The following SAFB2 variants were observed in gnomAD, a reference collection of about 807,000 sequenced individuals.
The protein encoded by SAFB2 is scaffold attachment factor B2.
A neutral mutation model predicts 100.6 loss-of-function variants in SAFB2; 32 were observed. The observed-to-expected ratio is 0.32, with a 90% CI of 0.24 to 0.43. SAFB2 has a LOEUF of 0.43. SAFB2 is among the 20% of genes least tolerant of loss of function. The probability of loss-of-function intolerance (pLI) is 1.00; values close to 1 mark genes in which losing one functional copy is unlikely to be tolerated. For synonymous variants in SAFB2, 500 were observed against 439.4 expected, an observed-to-expected ratio of 1.14 and a Z score of -1.72; for missense variants, 1,185 against 1,163.4, an observed-to-expected ratio of 1.02 and a Z score of -0.27.
intron 11 of SAFB2, among the ~76,000 whole-genome samples, chr19:5,600,489 G>GA (rs2052632663): frequency 1.3e-5 from 2 of 152,224 alleles, no homozygotes; most frequent in Admixed American, 1.3e-4. Context: ...TATGCACAAT[G>GA]AAATTCCTGG....
At position 5,611,284 on chromosome 19, in the gene SAFB2, C is replaced by T. The variant is rs577406447; in HGVS notation, c.981G>A (p.Ala327=). ...CTGCGAGCTCCTCGCTAGAGGCCTC[C>T]GCGAGCTCGGAGGCCGCACTACTCT... ...VEQSSAASEL[A]EASSEELAEA... The change falls in exon 7 of 21, where the codon GCG becomes GCA. Residue 327 remains alanine, a synonymous_variant. Coordinates refer to ENST00000252542, the MANE Select transcript of SAFB2 (RefSeq NM_014649.3). The T allele has an allele frequency of 2.2e-5, 8 of 370,144 alleles. No individual in the cohort carries two copies. Among genetic ancestry groups the T allele is most frequent in the East Asian group, 8.5e-5 (2 of 23,498 alleles). 22.9% of individuals were successfully genotyped at this position (370,144 alleles called of 1,614,324 possible). A position where few individuals can be genotyped will look rare whatever the true frequency, so the allele number is the denominator to read the frequency against.
intron 2 of SAFB2, among the ~76,000 whole-genome samples, chr19:5,618,743 A>C (rs1198283578): frequency 6.6e-6 from 1 of 152,254 alleles, no homozygotes; most frequent in East Asian, 1.9e-4. Context: ...TGCTGACCAA[A>C]AAGCATCACA....
At chr19:5,609,789 C>T (rs1015700683) in intron 9 of SAFB2, among the ~76,000 whole-genome samples, 3 of 152,182 alleles carry the variant, frequency 2.0e-5, no homozygotes, top group Non-Finnish European at 4.4e-5. Context: ...CAAGACTGGG[C>T]GAGCTTCGCT....
At position 5,600,275 on chromosome 19, in the gene SAFB2, G is replaced by T. The variant is rs777280205; in HGVS notation, c.1560-15C>A. 3.1e-6 allele frequency: 5 copies of T among 1,609,388 alleles called. No homozygotes were observed. The East Asian group carries it at 6.7e-5, about 22-fold the overall frequency. On this transcript the variant is annotated splice_polypyrimidine_tract_variant and intron_variant, in intron 11 of 20. Transcript: ENST00000252542. ...TAATTACAGTTCTATTTAAAGACATGGTTATCAAATTTGAGTTCACAAGAC... is the reference window on the plus strand; with the variant it reads ...TAATTACAGTTCTATTTAAAGACATTGTTATCAAATTTGAGTTCACAAGAC...
intron 11 of SAFB2, among the ~76,000 whole-genome samples, chr19:5,603,676 T>TGAACTCACAGGGTGCCACCGTGA (rs1263272682): frequency 2.1e-4 from 32 of 151,756 alleles, no homozygotes; most frequent in Non-Finnish European, 2.4e-4. Context: ...GGTGCCACCG[T>TGAACTCACAGGGTGCCACCGTGA]GAACTCACAG....
At chr19:5,588,345 T>G (rs988239525) in intron 18 of SAFB2, among the ~76,000 whole-genome samples, 1 of 152,132 alleles carries the variant, frequency 6.6e-6, no homozygotes, top group African/African-American at 2.4e-5. Flanking sequence ...AAAAGTTTGG[T>G]GGTTCTTCAA....
At chr19:5,591,560 G>A (rs2052404694) in intron 17 of SAFB2, 188 bp downstream of exon 17, 2 of 575,566 alleles carry the variant, frequency 3.5e-6, no homozygotes, top group African/African-American at 3.8e-5. Flanking sequence ...TTACAGGCAT[G>A]AGCCACCACG....
chr19:5,621,306 TAC>T lies in SAFB2; in HGVS notation c.274+1_274+2del, dbSNP rs1393581177. 6.3e-7 allele frequency: 1 copy of T among 1,593,798 alleles called. No homozygotes were observed. Among genetic ancestry groups the T allele is most frequent in the African/African-American group, 1.3e-5 (1 of 74,480 alleles). ...CAAGCCCCAAGCAGCATATGTACAA[TAC>T]CTTTAACACATCTCTTGGCTGACTT... On this transcript the variant is annotated splice_donor_variant, in intron 2 of 20. Transcript: ENST00000252542. LOFTEE classifies it high-confidence loss of function.
chr19:5,612,456 T>C (rs1234964820), intron 6 of SAFB2, 84 bp downstream of exon 6: 4 of 1,277,642 alleles, frequency 3.1e-6, no homozygotes, highest in Admixed American at 1.7e-5. Context: ...TACAAGATCA[T>C]AACACAGCTT....
intron 6 of SAFB2, 102 bp from the exon 7 acceptor site, chr19:5,611,732 G>A: frequency 2.3e-6 from 1 of 436,502 alleles, no homozygotes; most frequent in Non-Finnish European, 4.4e-6. Flanking sequence ...AACACGAAGA[G>A]AACTGCTAGC....
In SAFB2 at chr19:5,587,487, T is replaced by C. The variant is rs551173274; in HGVS notation, c.2706-88A>G. 6 of 1,503,752 alleles carry C rather than the reference T, an allele frequency of 4.0e-6. No individual in the cohort carries two copies. In the East Asian group the frequency reaches 7.4e-5, roughly 19 times the overall value. 93.2% of individuals were successfully genotyped at this position (1,503,752 alleles called of 1,614,324 possible). A position where few individuals can be genotyped will look rare whatever the true frequency, so the allele number is the denominator to read the frequency against. ...GGTTCAGTAACGGTCCCGCAGCCTT[T>C]AGAGCGCTTGGGTTTTTTTTCCAGG... On this transcript the variant is annotated intron_variant, in intron 20 of 20. Transcript: ENST00000252542. This position sits in a 1 kb window ranked among gnomAD's most constrained non-coding sequence, Gnocchi z 4.9.
At chr19:5,605,335 C>T (rs568985132) in intron 9 of SAFB2, among the ~76,000 whole-genome samples, 3 of 152,182 alleles carry the variant, frequency 2.0e-5, no homozygotes, top group Admixed American at 6.5e-5. Context: ...CAACTCCTGA[C>T]CTCAAGTGAT....
chr19:5,604,523 G>A (rs1019730471), intron 11 of SAFB2, 60 bp downstream of exon 11: 6 of 1,299,734 alleles, frequency 4.6e-6, no homozygotes, highest in Admixed American at 1.8e-5. Context: ...CAAGGCCCAT[G>A]GTGGCTGCCC....
chr19:5,593,775 A>G, intron 15 of SAFB2, 116 bp downstream of exon 15: 1 of 1,162,502 alleles, frequency 8.6e-7, no homozygotes, highest in African/African-American at 1.6e-5. Context: ...CATGCTCCAT[A>G]TCAAATTTCA....
intron 11 of SAFB2, among the ~76,000 whole-genome samples, chr19:5,600,534 G>A (rs564285127): frequency 2.0e-5 from 3 of 152,336 alleles, no homozygotes; most frequent in South Asian, 4.1e-4. Flanking sequence ...AGGCTAGCAC[G>A]CAAGAGTGGT....
rs576788035 is a variant in SAFB2 at position 5,597,424 on chromosome 19, T to TA, written c.1782+1368dup. 2.1e-3 allele frequency among the ~76,000 whole-genome samples: 319 copies of TA among 149,460 alleles called. 1 individual carries two copies. Among genetic ancestry groups the TA allele is most frequent in the African/African-American group, 7.7e-3 (311 of 40,544 alleles). On this transcript the variant is annotated intron_variant, in intron 13 of 20. Coordinates refer to ENST00000252542, the MANE Select transcript of SAFB2 (RefSeq NM_014649.3). ...TAATAGGTAAATATCATGCATAAAATAAAAAATATATGTAAAAGCGAAAAG... is the reference window on the plus strand; with the variant it reads ...TAATAGGTAAATATCATGCATAAAATAAAAAAATATATGTAAAAGCGAAAAG...
intron 15 of SAFB2, 150 bp downstream of exon 15, chr19:5,593,741 G>A: frequency 7.5e-6 from 6 of 797,188 alleles, no homozygotes; most frequent in Non-Finnish European, 1.1e-5. Context: ...AGCGCAGTGA[G>A]ATCGGCGGGG....
At chr19:5,590,432 G>A (rs1381676354) in intron 17 of SAFB2, 24 bp from the exon 18 acceptor site, 1 of 1,587,970 alleles carries the variant, frequency 6.3e-7, no homozygotes, top group Non-Finnish European at 8.6e-7. Context: ...GAGGAACAGG[G>A]TGACACTGAC....
intron 17 of SAFB2, chr19:5,591,308 TG>T (rs2052397740): frequency 6.6e-6 from 1 of 151,406 alleles, no homozygotes; most frequent in African/African-American, 2.5e-5. Flanking sequence ...GACGGAGTCT[TG>T]CTCTTGTTGC....
Sources: gnomAD v4.1 joint callset for allele counts (sites outside exome capture counted in the v4.1 genomes callset) on GRCh38, gnomAD v4.1.1 for gene constraint, Gnocchi (gnomAD v3.1) non-coding constraint, MANE v1.5 for transcripts, NCBI Gene and HGNC (gene_info 2026-07-23, HGNC 2026-07-21) for gene names.